Variants in IL1RL2 observed in about 807,000 individuals in gnomAD.
IL1RL2 encodes interleukin-1 receptor-like 2.
In IL1RL2, 68 loss-of-function variants were observed where a neutral mutation model predicts 66.8. That is an observed-to-expected ratio of 1.02 (90% CI 0.84 to 1.25). The LOEUF is 1.25. Among genes scored for constraint, IL1RL2 ranks in the 50% most tolerant of loss-of-function variants. The pLI, the probability that IL1RL2 is intolerant of heterozygous loss-of-function variation, is 0.00. For synonymous variants in IL1RL2, 305 were observed against 264.6 expected (o/e 1.15, Z -1.48); for missense variants, 729 against 709.3 (o/e 1.03, Z -0.32).
intron 1 of IL1RL2, among the ~76,000 whole-genome samples, chr2:102,187,497 G>T (rs920951931): frequency 6.6e-6 from 1 of 152,200 alleles, no homozygotes; most frequent in Admixed American, 6.5e-5. Context: ...CAGGCCGCAG[G>T]CTGCGCTGGG....
Position 102,189,241 on chromosome 2 carries a change from A to T in IL1RL2, c.224A>T (p.Gln75Leu). Residue 75 changes from glutamine to leucine, a missense_variant, in exon 3 of 12, where the codon CAG (glutamine) becomes CTG (leucine). Coordinates refer to ENST00000264257, the MANE Select transcript of IL1RL2 (RefSeq NM_003854.4). ...AAAATCATACAGTCTAGAATTCACC[A>T]GGACGAGACTTGGATTTTGTTTCTC... ...VSKIIQSRIH[Q>L]DETWILFLPM... is the part of the protein sequence containing the mutation. 6.2e-7 allele frequency: 1 copy of T among 1,614,110 alleles called. No individual in the cohort carries two copies. The highest frequency in any genetic ancestry group is 8.5e-7 in the Non-Finnish European group (1 of 1,180,018).
chr2:102,228,990 A>G (rs1224346759), intron 9 of IL1RL2, among the ~76,000 whole-genome samples: 1 of 152,176 alleles, frequency 6.6e-6, no homozygotes, highest in Non-Finnish European at 1.5e-5. Context: ...CTTTTCTTCT[A>G]GTGTTTTCTA....
Position 102,192,406 on chromosome 2 carries a change from G to C in IL1RL2, c.489+286G>C, listed in dbSNP as rs545853564. ...TATTTTTCTAACATTAATTATATTT[G>C]TTTAAATGCATACTATGTGCACATG... is the stretch of plus-strand genomic sequence containing the variant. On this transcript the variant is annotated intron_variant, in intron 4 of 11. Transcript: ENST00000264257. Among the ~76,000 whole-genome samples, 61 of 151,902 alleles carry C rather than the reference G, an allele frequency of 4.0e-4. 1 individual carries two copies. Among genetic ancestry groups the C allele is most frequent in the Middle Eastern group, 3.4e-3 (1 of 294 alleles).
chr2:102,197,956 C>T (rs143241050), intron 4 of IL1RL2, among the ~76,000 whole-genome samples: 33 of 152,316 alleles, frequency 2.2e-4, no homozygotes, highest in African/African-American at 6.5e-4. Flanking sequence ...GTTCTGGCCT[C>T]GATGCCACTT....
chr2:102,192,126 A>G lies in IL1RL2; in HGVS notation c.489+6A>G, dbSNP rs769956358. The G allele has an allele frequency of 6.5e-6, 10 of 1,543,056 alleles. No homozygotes were observed. In the Middle Eastern group the frequency reaches 5.4e-4, roughly 83 times the overall value. ...GTCCAATAAAGTGGTATAAGGTAAA[A>G]AAGAATTTTCTTATTGATATTTTTC... On this transcript the variant is annotated splice_donor_region_variant and intron_variant, in intron 4 of 11. Transcript: ENST00000264257.
chr2:102,187,493 G>T (rs562135051), intron 1 of IL1RL2, among the ~76,000 whole-genome samples: 17 of 152,316 alleles, frequency 1.1e-4, no homozygotes, highest in African/African-American at 4.1e-4. Context: ...AACCCAGGCC[G>T]CAGGCTGCGC....
chr2:102,225,088 G>A (rs750786143), intron 8 of IL1RL2, among the ~76,000 whole-genome samples: 2 of 152,166 alleles, frequency 1.3e-5, no homozygotes, highest in Non-Finnish European at 2.9e-5. Context: ...GTCTTCTTTG[G>A]TGGTATGGGT....
At chr2:102,224,729 G>T (rs2104855551) in intron 8 of IL1RL2, among the ~76,000 whole-genome samples, 2 of 152,256 alleles carry the variant, frequency 1.3e-5, no homozygotes, top group Middle Eastern at 6.8e-3. Context: ...GAATGAATTT[G>T]GAATATTCCC....
At chr2:102,231,762 G>A (rs1691158303) in intron 9 of IL1RL2, among the ~76,000 whole-genome samples, 1 of 152,180 alleles carries the variant, frequency 6.6e-6, no homozygotes, top group Non-Finnish European at 1.5e-5. Context: ...TACTGATGAC[G>A]ACGACATGCG....
At chr2:102,188,541 T>C (rs568354601) in intron 2 of IL1RL2, among the ~76,000 whole-genome samples, 17 of 142,802 alleles carry the variant, frequency 1.2e-4, no homozygotes, top group African/African-American at 4.2e-4. Flanking sequence ...TGAGCCGAGA[T>C]TGAGCCTCTG....
At position 102,189,071 on chromosome 2, in the gene IL1RL2, C is replaced by T; in HGVS notation, c.59-5C>T. The T allele has an allele frequency of 6.2e-7, 1 of 1,605,532 alleles. No individual in the cohort carries two copies. The highest frequency in any genetic ancestry group is 8.5e-7 in the Non-Finnish European group (1 of 1,173,760). On this transcript the variant is annotated splice_region_variant and splice_polypyrimidine_tract_variant and intron_variant, in intron 2 of 11. Coordinates refer to ENST00000264257, the MANE Select transcript of IL1RL2 (RefSeq NM_003854.4). ...AATTGTTTTGTTTTGTTTTTCTTTC[C>T]CTAGATGGATGCAAGGACATTTTTA...
chr2:102,212,621 C>T (rs1356206886), intron 6 of IL1RL2, among the ~76,000 whole-genome samples: 1 of 152,100 alleles, frequency 6.6e-6, no homozygotes, highest in Non-Finnish European at 1.5e-5. Context: ...AGCATTGCCT[C>T]AATTTGTGAT....
chr2:102,239,191 G>T lies in IL1RL2; in HGVS notation c.1679-1G>T. ...AGTAAATAGATCTTTCCTGATTTCA[G>T]GCCCAGAACTAGGCTCAAGAAGAAA... On this transcript the variant is annotated splice_acceptor_variant, in intron 11 of 11. Coordinates refer to ENST00000264257, the MANE Select transcript of IL1RL2 (RefSeq NM_003854.4). LOFTEE classifies it high-confidence loss of function. The T allele has an allele frequency of 6.2e-7, 1 of 1,613,852 alleles. No individual in the cohort carries two copies. Among genetic ancestry groups the T allele is most frequent in the Non-Finnish European group, 8.5e-7 (1 of 1,179,796 alleles).
intron 8 of IL1RL2, among the ~76,000 whole-genome samples, chr2:102,223,050 A>G (rs887375877): frequency 1.3e-5 from 2 of 152,240 alleles, no homozygotes; most frequent in Admixed American, 6.5e-5. Flanking sequence ...GTGACCAGTT[A>G]GTTAACACCT....
At chr2:102,225,110 T>A (rs1250386027) in intron 8 of IL1RL2, among the ~76,000 whole-genome samples, 1 of 152,208 alleles carries the variant, frequency 6.6e-6, no homozygotes, top group Non-Finnish European at 1.5e-5. Context: ...TGGGCTGCGG[T>A]GAGGCAGAAG....
rs1342383012 is a variant in IL1RL2 at position 102,192,120 on chromosome 2, G to T, written c.489G>T (p.Lys163Asn). ...TTTTGGGTCCAATAAAGTGGTATAA[G>T]GTAAAAAAGAATTTTCTTATTGATA... Reference protein sequence around the residue: ...SCVLGPIKWYKDCNEIKGERF... With the variant: ...SCVLGPIKWYNDCNEIKGERF... Residue 163 changes from lysine (K) to asparagine (N), a missense_variant and splice_region_variant, in exon 4 of 12, where the codon AAG becomes AAT. Lys to Asn is a moderately conservative substitution (Grantham distance 94, BLOSUM62 0). Transcript: ENST00000264257. 6.5e-7 allele frequency: 1 copy of T among 1,548,608 alleles called. No homozygotes were observed. Among genetic ancestry groups the T allele is most frequent in the Admixed American group, 2.3e-5 (1 of 44,422 alleles).
At chr2:102,207,623 C>G (rs909416036) in intron 5 of IL1RL2, among the ~76,000 whole-genome samples, 1 of 152,062 alleles carries the variant, frequency 6.6e-6, no homozygotes, top group Non-Finnish European at 1.5e-5. Flanking sequence ...AAGTGAAGTC[C>G]TCTCCGCTCT....
chr2:102,202,824 A>C (rs1442132458), intron 5 of IL1RL2, among the ~76,000 whole-genome samples: 3 of 152,194 alleles, frequency 2.0e-5, no homozygotes, highest in African/African-American at 4.8e-5. Context: ...ATCATTTGCC[A>C]ACAATGATAA....
At chr2:102,233,221 C>T in intron 10 of IL1RL2, 97 bp downstream of exon 10, 1 of 1,166,442 alleles carries the variant, frequency 8.6e-7, no homozygotes. Context: ...TGCCTGCCTT[C>T]CCCATGGAAC....
Sources: gnomAD v4.1 joint callset for allele counts (sites outside exome capture counted in the v4.1 genomes callset) on GRCh38, gnomAD v4.1.1 for gene constraint, MANE v1.5 for transcripts, NCBI Gene and HGNC (gene_info 2026-07-23, HGNC 2026-07-21) for gene names.